NAALADL2: variants seen among roughly 807,000 people sequenced by gnomAD.
NAALADL2 encodes the protein N-acetylated alpha-linked acidic dipeptidase like 2.
Under a neutral mutation model 87.2 loss-of-function variants are expected in NAALADL2, and 76 were observed. That is an observed-to-expected ratio of 0.87 (90% CI 0.72 to 1.05). The LOEUF (loss-of-function observed/expected upper bound fraction) is 1.05. Ranked by LOEUF, NAALADL2 falls within the 50% of genes least tolerant of loss-of-function variation. The pLI, the probability that NAALADL2 is intolerant of heterozygous loss-of-function variation, is 0.00. For synonymous variants in NAALADL2, 354 were observed against 331.0 expected (o/e 1.07, Z -0.75); for missense variants, 1,089 against 945.8 (o/e 1.15, Z -1.99).
intron 2 of NAALADL2, among the ~76,000 whole-genome samples, chr3:174,734,865 A>G (rs1733039634): frequency 6.6e-6 from 1 of 152,300 alleles, no homozygotes; most frequent in Admixed American, 6.5e-5. Flanking sequence ...TTTATGACAC[A>G]TTATTATTTC....
intron 2 of NAALADL2, among the ~76,000 whole-genome samples, chr3:175,178,551 C>G (rs936414422): frequency 6.6e-6 from 1 of 151,964 alleles, no homozygotes; most frequent in Non-Finnish European, 1.5e-5. Context: ...CCAGGACACT[C>G]ACAAGAAATG....
chr3:175,614,533 C>G (rs753141282), intron 10 of NAALADL2, among the ~76,000 whole-genome samples: 9 of 152,144 alleles, frequency 5.9e-5, no homozygotes, highest in Non-Finnish European at 1.3e-4. Flanking sequence ...ATATTGAAAA[C>G]TCTGTTAAGC....
At chr3:174,849,800 G>A (rs865852416) in intron 3 of NAALADL2, among the ~76,000 whole-genome samples, 19 of 150,680 alleles carry the variant, frequency 1.3e-4, no homozygotes, top group Middle Eastern at 3.6e-3. Context: ...CGCAGGGTTA[G>A]GATCATCATT....
At chr3:175,099,613 T>C (rs962525441) in intron 2 of NAALADL2, among the ~76,000 whole-genome samples, 5 of 152,168 alleles carry the variant, frequency 3.3e-5, no homozygotes, top group African/African-American at 9.7e-5. Context: ...TAGTAGCAGA[T>C]CCCTGCTATT....
chr3:175,725,356 A>G (rs113269541), intron 11 of NAALADL2, among the ~76,000 whole-genome samples: 49 of 152,280 alleles, frequency 3.2e-4, no homozygotes, highest in African/African-American at 9.6e-4. Context: ...CACCACAGCC[A>G]TGATAGTTTT....
chr3:175,010,509 T>G (rs1371036503), intron 1 of NAALADL2, among the ~76,000 whole-genome samples: 1 of 152,144 alleles, frequency 6.6e-6, no homozygotes, highest in South Asian at 2.1e-4. Flanking sequence ...AAAATTATCT[T>G]AATATAACTT....
intron 3 of NAALADL2, among the ~76,000 whole-genome samples, chr3:174,831,190 T>C (rs1722641407): frequency 6.6e-6 from 1 of 152,000 alleles, no homozygotes; most frequent in African/African-American, 2.4e-5. Context: ...TGTGCCAGTT[T>C]TCAAAGGGAA....
At chr3:175,773,426 G>C (rs1268062797) in intron 13 of NAALADL2, 1 of 152,032 alleles carries the variant, frequency 6.6e-6, no homozygotes, top group Non-Finnish European at 1.5e-5. Context: ...GCTGGTGATT[G>C]CTTCAGTTAT....
In NAALADL2 at chr3:175,097,530, A is replaced by T. The variant is rs532857229; in HGVS notation, c.545+239A>T. On this transcript the variant is annotated intron_variant, in intron 2 of 13. Coordinates refer to ENST00000454872, the MANE Select transcript of NAALADL2 (RefSeq NM_207015.3). ...CTAGTAAGAATCATAACTACTATGG[A>T]GACTAAAATTCTCCAGCCACTGTAT... Among the ~76,000 whole-genome samples, 4 of 152,256 alleles carry T rather than the reference A, an allele frequency of 2.6e-5. No individual in the cohort carries two copies. The East Asian group carries it at 7.7e-4, about 29-fold the overall frequency.
In NAALADL2 at chr3:174,984,414, T is replaced by C. The variant is rs146279658; in HGVS notation, c.44-112376T>C. 1.4e-3 allele frequency among the ~76,000 whole-genome samples: 210 copies of C among 151,252 alleles called. 1 individual carries two copies. The Middle Eastern group carries it at 0.017, about 12-fold the overall frequency. ...TGGACTGATTCATGAATGTAGCTTGTTTAATTTTTTTTTTTCAACACTACG... is the reference window on the plus strand; with the variant it reads ...TGGACTGATTCATGAATGTAGCTTGCTTAATTTTTTTTTTTCAACACTACG... On this transcript the variant is annotated intron_variant, in intron 1 of 13. Coordinates refer to ENST00000454872, the MANE Select transcript of NAALADL2 (RefSeq NM_207015.3).
chr3:175,153,716 TG>T (rs1731893418), intron 2 of NAALADL2, among the ~76,000 whole-genome samples: 1 of 152,202 alleles, frequency 6.6e-6, no homozygotes, highest in Admixed American at 6.6e-5. Context: ...TATGTTAGTC[TG>T]GCCCAGTCTG....
At chr3:175,498,164 A>C (rs1405300054) in intron 9 of NAALADL2, among the ~76,000 whole-genome samples, 1 of 152,176 alleles carries the variant, frequency 6.6e-6, no homozygotes, top group Non-Finnish European at 1.5e-5. Flanking sequence ...AGAACAGAGA[A>C]TAAAAACGAA....
intron 2 of NAALADL2, among the ~76,000 whole-genome samples, chr3:175,189,575 A>C (rs1737840574): frequency 3.9e-5 from 6 of 152,216 alleles, no homozygotes; most frequent in Admixed American, 3.9e-4. Context: ...ATTTAAGACA[A>C]GTAAATTGAG....
chr3:174,701,111 G>C (rs942079057), intron 2 of NAALADL2, among the ~76,000 whole-genome samples: 1 of 151,760 alleles, frequency 6.6e-6, no homozygotes, highest in Admixed American at 6.6e-5. Flanking sequence ...AACAATGTGA[G>C]TGATTCTTTA....
chr3:175,462,009 A>T (rs756453371), intron 6 of NAALADL2, among the ~76,000 whole-genome samples: 5 of 152,168 alleles, frequency 3.3e-5, no homozygotes, highest in Non-Finnish European at 7.4e-5. Flanking sequence ...GCTATCCCGT[A>T]TGATACTATC....
At chr3:175,062,476 CTG>C (rs71792051) in intron 1 of NAALADL2, among the ~76,000 whole-genome samples, 26,389 of 131,104 alleles carry the variant, frequency 0.2, 2,330 homozygotes, top group Middle Eastern at 0.29. Flanking sequence ...GGAAGTTTGG[CTG>C]TGTGTGTGTG....
chr3:175,609,404 G>A (rs979486401), intron 10 of NAALADL2: 1 of 152,004 alleles, frequency 6.6e-6, no homozygotes, highest in African/African-American at 2.4e-5. Context: ...TTATATCATT[G>A]TCATATTTAT....
rs201956925 is a variant in NAALADL2, at chr3:174,921,054, A to T, written c.43+61604A>T. On this transcript the variant is annotated intron_variant, in intron 1 of 13. Transcript: ENST00000454872. Reference sequence around the variant, plus strand: ...CAAAGATCACTGATTACAGATCACAATAACAGATATAATAATAATGAAGAA... The same window carrying T: ...CAAAGATCACTGATTACAGATCACATTAACAGATATAATAATAATGAAGAA... Among the ~76,000 whole-genome samples the T allele has an allele frequency of 1.6e-4, 25 of 152,328 alleles. No homozygotes were observed. In the East Asian group the frequency reaches 4.8e-3, roughly 29 times the overall value.
intron 5 of NAALADL2, among the ~76,000 whole-genome samples, chr3:175,374,654 C>T (rs140693026): frequency 1.5e-3 from 226 of 148,026 alleles, no homozygotes; most frequent in Non-Finnish European, 1.9e-3. Flanking sequence ...AGGTGGATCA[C>T]TTGAGCCCAG....
Sources: gnomAD v4.1 joint callset for allele counts (sites outside exome capture counted in the v4.1 genomes callset) on GRCh38, gnomAD v4.1.1 for gene constraint, MANE v1.5 for transcripts, NCBI Gene and HGNC (gene_info 2026-07-23, HGNC 2026-07-21) for gene names.